The following EXOC5 variants were observed in gnomAD, a reference collection of about 807,000 sequenced individuals.
The protein encoded by EXOC5 is SEC10-like 1.
Under a neutral mutation model 90.8 loss-of-function variants are expected in EXOC5, and 17 were observed. The ratio of observed to expected loss-of-function variants is 0.19; its 90% CI spans 0.13 to 0.28. EXOC5 has a LOEUF of 0.28. EXOC5 is among the 10% of genes least tolerant of loss of function. EXOC5 has a pLI of 1.00. For synonymous variants in EXOC5, 260 were observed against 270.0 expected (o/e 0.96, Z 0.36); for missense variants, 569 against 830.6 (o/e 0.69, Z 3.87).
At chr14:57,262,991 C>G (rs1465151066) in intron 1 of EXOC5, among the ~76,000 whole-genome samples, 2 of 152,072 alleles carry the variant, frequency 1.3e-5, no homozygotes, top group African/African-American at 2.4e-5. Flanking sequence ...ACAGATAATT[C>G]TGGAACACTT....
In EXOC5 at chr14:57,205,000, A is replaced by T. The variant is rs1882607644; in HGVS notation, c.*3609T>A. 6.6e-6 allele frequency: 1 copy of T among 151,960 alleles called. No homozygotes were observed. Among genetic ancestry groups the T allele is most frequent in the African/African-American group, 2.4e-5 (1 of 41,418 alleles). The allele number at this position is 151,960 out of a possible 1,614,324, so 9.4% of individuals were successfully genotyped here. ...GTGAGTGAGAAAAGATTTAGGTTTC[A>T]ATCTGAGCATTTTACTAGCTGTAGA... On this transcript the variant is annotated 3_prime_UTR_variant, in exon 18 of 18. Transcript: ENST00000621441.
At chr14:57,245,502 A>G (rs1403404186) in intron 3 of EXOC5, among the ~76,000 whole-genome samples, 1 of 152,212 alleles carries the variant, frequency 6.6e-6, no homozygotes, top group Non-Finnish European at 1.5e-5. Context: ...CTTGTCCCAG[A>G]GTTTATTAGC....
chr14:57,219,678 A>G (rs1218279203), intron 13 of EXOC5, among the ~76,000 whole-genome samples: 3 of 152,118 alleles, frequency 2.0e-5, no homozygotes, highest in East Asian at 1.9e-4. Flanking sequence ...AGCCTTCATG[A>G]TTCACGTGAG....
intron 15 of EXOC5, among the ~76,000 whole-genome samples, chr14:57,213,047 T>C (rs10130517): frequency 0.24 from 36,917 of 151,912 alleles, 10,822 homozygotes; most frequent in African/African-American, 0.71. Context: ...CTGTAAGACA[T>C]TTCACACTTA....
At chr14:57,209,858 A>T in intron 16 of EXOC5, 76 bp from the exon 17 acceptor site, 3 of 1,265,106 alleles carry the variant, frequency 2.4e-6, no homozygotes, top group Non-Finnish European at 3.3e-6. Context: ...GTTTCTCATT[A>T]ATCTTTAAGT....
chr14:57,222,912 A>G (rs1267775966), intron 12 of EXOC5, among the ~76,000 whole-genome samples: 1 of 152,042 alleles, frequency 6.6e-6, no homozygotes, highest in African/African-American at 2.4e-5. Flanking sequence ...TAAAACTCAG[A>G]ACAAAAAGAA....
intron 12 of EXOC5, among the ~76,000 whole-genome samples, chr14:57,224,191 A>T (rs759282706): frequency 1.3e-5 from 2 of 152,114 alleles, no homozygotes; most frequent in Non-Finnish European, 2.9e-5. Flanking sequence ...AGGGGTGGGG[A>T]TAAAACCCAA....
intron 1 of EXOC5, among the ~76,000 whole-genome samples, chr14:57,256,350 A>C (rs1291952641): frequency 1.3e-5 from 2 of 152,188 alleles, no homozygotes; most frequent in Non-Finnish European, 2.9e-5. Flanking sequence ...TATTATAACC[A>C]GTTAAGATAC....
At position 57,203,961 on chromosome 14, in the gene EXOC5, T is replaced by A. The variant is rs530665107; in HGVS notation, c.*4648A>T. On this transcript the variant is annotated 3_prime_UTR_variant, in exon 18 of 18. Coordinates refer to ENST00000621441, the MANE Select transcript of EXOC5 (RefSeq NM_006544.4). ...AATGCATCACTGCTGTCTAGCAAAA[T>A]CTATGCCTTCTGAATAAATGACTTT... 6.6e-6 allele frequency: 1 copy of A among 152,590 alleles called. No individual in the cohort carries two copies. The highest frequency in any genetic ancestry group is 6.6e-5 in the Admixed American group (1 of 15,262). 9.5% of individuals were successfully genotyped at this position (152,590 alleles called of 1,614,324 possible).
chr14:57,212,099 A>C (rs923393454), intron 15 of EXOC5, among the ~76,000 whole-genome samples: 2 of 152,264 alleles, frequency 1.3e-5, no homozygotes. Flanking sequence ...TCCCGGGCTC[A>C]AGTGATCCTC....
intron 3 of EXOC5, among the ~76,000 whole-genome samples, chr14:57,245,855 C>G (rs1884017206): frequency 6.6e-6 from 1 of 152,048 alleles, no homozygotes; most frequent in Non-Finnish European, 1.5e-5. Flanking sequence ...GAGTTCAAGA[C>G]AAACCTGGCC....
intron 5 of EXOC5, among the ~76,000 whole-genome samples, chr14:57,238,375 T>C (rs7151438): frequency 0.38 from 28,222 of 75,050 alleles, 7,319 homozygotes; most frequent in African/African-American, 0.71. Flanking sequence ...TATATATATA[T>C]ACACACACAC....
At chr14:57,229,511 G>A (rs545096721) in intron 12 of EXOC5, among the ~76,000 whole-genome samples, 8 of 152,020 alleles carry the variant, frequency 5.3e-5, no homozygotes, top group Non-Finnish European at 8.8e-5. Context: ...AGAGATTTAC[G>A]TTGCACTAGG....
rs1048284203 is a variant in EXOC5, at chr14:57,200,626, A to G, written c.*7983T>C. The G allele has an allele frequency of 6.6e-6, 1 of 152,112 alleles. No individual in the cohort carries two copies. Among genetic ancestry groups the G allele is most frequent in the African/African-American group, 2.4e-5 (1 of 41,438 alleles). The allele number at this position is 152,112 out of a possible 1,614,324, so 9.4% of individuals were successfully genotyped here. A position where few individuals can be genotyped will look rare whatever the true frequency, so the allele number is the denominator to read the frequency against. On this transcript the variant is annotated 3_prime_UTR_variant, in exon 18 of 18. Transcript: ENST00000621441. Reference sequence around the variant, plus strand: ...CTTATTAAATAGCAATTACAGTAGCAAGGAGATTGTATAATAGAAAAACAT... The same window carrying G: ...CTTATTAAATAGCAATTACAGTAGCGAGGAGATTGTATAATAGAAAAACAT...
chr14:57,232,534 T>C (rs1883517860), intron 10 of EXOC5, 133 bp downstream of exon 10: 3 of 518,786 alleles, frequency 5.8e-6, no homozygotes, highest in Non-Finnish European at 1.0e-5. Context: ...AACTAGTCTA[T>C]ACAGCTAAGC....
intron 4 of EXOC5, among the ~76,000 whole-genome samples, chr14:57,241,026 A>AT (rs1320227807): frequency 3.3e-5 from 5 of 151,672 alleles, no homozygotes; most frequent in Non-Finnish European, 4.4e-5. Flanking sequence ...TAATTTTGGT[A>AT]TTTTTTTAGT....
At chr14:57,241,306 A>G (rs370212552) in intron 4 of EXOC5, among the ~76,000 whole-genome samples, 1 of 152,134 alleles carries the variant, frequency 6.6e-6, no homozygotes, top group South Asian at 2.1e-4. Context: ...GGTCACTATC[A>G]TTTTCAACTA....
intron 1 of EXOC5, among the ~76,000 whole-genome samples, chr14:57,257,174 A>G (rs756712280): frequency 2.6e-5 from 4 of 152,184 alleles, no homozygotes; most frequent in Non-Finnish European, 4.4e-5. Flanking sequence ...AGAAAGAAAA[A>G]AAAGGAATAA....
At chr14:57,262,113 C>T (rs1468946318) in intron 1 of EXOC5, among the ~76,000 whole-genome samples, 1 of 152,136 alleles carries the variant, frequency 6.6e-6, no homozygotes, top group Non-Finnish European at 1.5e-5. Context: ...GAAGTGTTCC[C>T]TCCCTGATAG....
Sources: allele counts gnomAD v4.1 joint callset (sites outside exome capture counted in the v4.1 genomes callset), GRCh38; gene constraint gnomAD v4.1.1; transcripts MANE v1.5; gene names NCBI Gene and HGNC (gene_info 2026-07-23, HGNC 2026-07-21).